The following CTNNA2 variants were observed in gnomAD, a reference collection of about 807,000 sequenced individuals.
CTNNA2 encodes the protein catenin alpha 2.
CTNNA2 carries 42 observed loss-of-function variants against 101.0 expected under a neutral mutation model. The ratio of observed to expected loss-of-function variants is 0.42; its 90% CI spans 0.32 to 0.54. The LOEUF (loss-of-function observed/expected upper bound fraction) is 0.54, where lower values mean the gene tolerates loss of function less well. Ranked by LOEUF, CTNNA2 falls within the 20% of genes least tolerant of loss-of-function variation. CTNNA2 has a pLI of 0.14. For synonymous variants in CTNNA2, 450 were observed against 456.4 expected (o/e 0.99, Z 0.18); for missense variants, 871 against 1,223.1 (o/e 0.71, Z 4.29).
chr2:80,294,238 T>C lies in CTNNA2; in HGVS notation c.1057-98973T>C, dbSNP rs372695095. Among the ~76,000 whole-genome samples the C allele has an allele frequency of 5.8e-4, 88 of 152,350 alleles. 3 individuals are homozygous for C. The highest frequency in any genetic ancestry group is 2.0e-3 in the African/African-American group (84 of 41,572). On this transcript the variant is annotated intron_variant, in intron 7 of 18. Coordinates refer to ENST00000402739, the MANE Select transcript of CTNNA2 (RefSeq NM_001282597.3). ...TTGCCTTAAAAATGGGACAAGTTTA[T>C]GTCTGCCTTGTGAAATTATTGGGAG...
intron 1 of CTNNA2, chr2:79,633,876 T>G (rs1679851099): frequency 1.3e-5 from 2 of 152,206 alleles, no homozygotes; most frequent in African/African-American, 4.8e-5. Context: ...GTGTTTGGAC[T>G]TGCTTAACAA....
At chr2:80,551,817 T>C (rs1028555034) in intron 11 of CTNNA2, among the ~76,000 whole-genome samples, 3 of 152,226 alleles carry the variant, frequency 2.0e-5, no homozygotes, top group Non-Finnish European at 4.4e-5. Context: ...GTAGCACTTT[T>C]AATTTCTTTC....
chr2:80,569,404 C>T (rs771095026), intron 12 of CTNNA2, among the ~76,000 whole-genome samples: 2 of 152,042 alleles, frequency 1.3e-5, no homozygotes, highest in African/African-American at 4.8e-5. Context: ...AACAAATCAG[C>T]ATTTCTGATA....
At chr2:79,962,466 G>C (rs1296227427) in intron 7 of CTNNA2, among the ~76,000 whole-genome samples, 2 of 152,228 alleles carry the variant, frequency 1.3e-5, no homozygotes, top group African/African-American at 4.8e-5. Context: ...TCAGACCATA[G>C]CAGGTGCATT....
intron 2 of CTNNA2, among the ~76,000 whole-genome samples, chr2:79,204,664 T>C (rs376735650): frequency 1.3e-5 from 2 of 152,206 alleles, no homozygotes; most frequent in African/African-American, 2.4e-5. Context: ...AATAGAAATT[T>C]ATGTCTCATA....
chr2:80,495,026 G>C (rs1687343723), intron 9 of CTNNA2, among the ~76,000 whole-genome samples: 1 of 152,094 alleles, frequency 6.6e-6, no homozygotes. Context: ...GGTGGCTCCT[G>C]GTTCTACGTG....
chr2:80,091,943 C>G (rs886357098), intron 7 of CTNNA2, among the ~76,000 whole-genome samples: 2 of 152,104 alleles, frequency 1.3e-5, no homozygotes, highest in African/African-American at 2.4e-5. Flanking sequence ...TTTTGATGCT[C>G]TTAGACATAC....
Position 80,011,358 on chromosome 2 carries a change from A to G in CTNNA2, c.1056+101561A>G, listed in dbSNP as rs147686037. ...TATATAGAAATATGACAGAAAATAA[A>G]GAGTTGCTCTAGTTGAAGTTGGAGG... is the stretch of plus-strand genomic sequence containing the variant. On this transcript the variant is annotated intron_variant, in intron 7 of 18. Transcript: ENST00000402739. Among the ~76,000 whole-genome samples the G allele has an allele frequency of 8.9e-4, 135 of 152,310 alleles. 3 individuals are homozygous for G. The East Asian group carries it at 0.025, about 28-fold the overall frequency.
intron 1 of CTNNA2, chr2:79,185,436 G>A (rs1022663965): frequency 2.6e-5 from 4 of 151,998 alleles, no homozygotes; most frequent in Admixed American, 6.6e-5. Context: ...AATTTGGTGA[G>A]TACTTTATAA....
intron 7 of CTNNA2, among the ~76,000 whole-genome samples, chr2:80,151,129 T>C (rs1463385286): frequency 6.6e-6 from 1 of 152,214 alleles, no homozygotes; most frequent in African/African-American, 2.4e-5. Context: ...TGCTGGGCAG[T>C]TTCGTCCCAG....
In CTNNA2 at chr2:79,807,149, A is replaced by C. The variant is rs891474244; in HGVS notation, c.299-50864A>C. Among the ~76,000 whole-genome samples the C allele has an allele frequency of 5.9e-5, 9 of 152,032 alleles. No homozygotes were observed. The East Asian group carries it at 1.7e-3, about 29-fold the overall frequency. ...TGATCCCTTAAGAACACTTTTTTTA[A>C]ATACAAATATATTTTTGGTTTGCTC... On this transcript the variant is annotated intron_variant, in intron 3 of 18. Coordinates refer to ENST00000402739, the MANE Select transcript of CTNNA2 (RefSeq NM_001282597.3).
At chr2:80,391,682 G>C (rs190845797) in intron 7 of CTNNA2, among the ~76,000 whole-genome samples, 3 of 152,342 alleles carry the variant, frequency 2.0e-5, no homozygotes, top group Admixed American at 2.0e-4. Flanking sequence ...TGGAGAGGCA[G>C]AGCATTGAAG....
rs765996309 is a variant in CTNNA2, at chr2:79,778,495, A to G, written c.298+33913A>G. Among the ~76,000 whole-genome samples, 138 of 152,184 alleles carry G rather than the reference A, an allele frequency of 9.1e-4. 1 individual carries two copies. The highest frequency in any genetic ancestry group is 2.4e-4 in the Non-Finnish European group (16 of 68,026). ...TCTATGTTGAACCATTCTTGAATTC[A>G]TGGGAAAAAAAACCTACTTGGTCAT... On this transcript the variant is annotated intron_variant, in intron 3 of 18. Transcript: ENST00000402739.
At chr2:79,839,793 T>C (rs1048641410) in intron 3 of CTNNA2, among the ~76,000 whole-genome samples, 1 of 152,160 alleles carries the variant, frequency 6.6e-6, no homozygotes, top group African/African-American at 2.4e-5. Flanking sequence ...AGTCCTATTC[T>C]AGTTCTGTAA....
chr2:79,791,937 A>G (rs1355502905), intron 3 of CTNNA2, among the ~76,000 whole-genome samples: 3 of 152,198 alleles, frequency 2.0e-5, no homozygotes, highest in Non-Finnish European at 2.9e-5. Flanking sequence ...TTGTCACTCT[A>G]CGGAGAAGGA....
intron 7 of CTNNA2, among the ~76,000 whole-genome samples, chr2:80,012,648 T>C (rs990236420): frequency 2.0e-4 from 30 of 152,212 alleles, no homozygotes; most frequent in Admixed American, 1.9e-3. Context: ...AAATAAAACA[T>C]TATTTTTGAA....
chr2:80,031,852 G>A (rs1239684509), intron 7 of CTNNA2, among the ~76,000 whole-genome samples: 1 of 152,164 alleles, frequency 6.6e-6, no homozygotes, highest in African/African-American at 2.4e-5. Flanking sequence ...TAGTGACTAA[G>A]CATTCTAGAA....
At chr2:79,534,965 G>A (rs923684238) in intron 1 of CTNNA2, among the ~76,000 whole-genome samples, 1 of 151,380 alleles carries the variant, frequency 6.6e-6, no homozygotes, top group Non-Finnish European at 1.5e-5. Context: ...ATCTGATATT[G>A]AGTAGGGAAG....
intron 2 of CTNNA2, among the ~76,000 whole-genome samples, chr2:79,225,653 C>T (rs1468313174): frequency 6.6e-6 from 1 of 152,110 alleles, no homozygotes; most frequent in Admixed American, 6.5e-5. Context: ...CTGCTAGGGA[C>T]ATCTTTAAGC....
Sources: gnomAD v4.1 joint callset for allele counts (sites outside exome capture counted in the v4.1 genomes callset) on GRCh38, gnomAD v4.1.1 for gene constraint, MANE v1.5 for transcripts, NCBI Gene and HGNC (gene_info 2026-07-23, HGNC 2026-07-21) for gene names.